OSBPL1A: variants seen among roughly 807,000 people sequenced by gnomAD.
OSBPL1A encodes the protein oxysterol binding protein like 1A.
In OSBPL1A, 80 loss-of-function variants were observed where a neutral mutation model predicts 137.1. The ratio of observed to expected loss-of-function variants is 0.58; its 90% confidence interval spans 0.49 to 0.70. The LOEUF (loss-of-function observed/expected upper bound fraction) is 0.70, where lower values mean the gene tolerates loss of function less well. OSBPL1A is among the 30% of genes least tolerant of loss of function. The probability of loss-of-function intolerance (pLI) is 0.00; values close to 1 mark genes in which losing one functional copy is unlikely to be tolerated. For missense variants in OSBPL1A, 970 were observed against 1,129.4 expected, an observed-to-expected ratio of 0.86 and a Z score of 2.02; for synonymous variants, 365 against 389.7, an observed-to-expected ratio of 0.94 and a Z score of 0.75.
At chr18:24,352,634 C>T (rs1045074677) in intron 4 of OSBPL1A, among the ~76,000 whole-genome samples, 1 of 152,268 alleles carries the variant, frequency 6.6e-6, no homozygotes, top group African/African-American at 2.4e-5. Flanking sequence ...AAGAACAAAG[C>T]TGGAGGCATC....
chr18:24,216,873 A>G (rs1465276222), intron 17 of OSBPL1A, among the ~76,000 whole-genome samples: 1 of 152,156 alleles, frequency 6.6e-6, no homozygotes, highest in Admixed American at 6.5e-5. Flanking sequence ...ATTTCTAAAT[A>G]TTATTTCCCA....
intron 2 of OSBPL1A, among the ~76,000 whole-genome samples, chr18:24,370,787 C>T (rs1234424872): frequency 2.0e-5 from 3 of 152,204 alleles, no homozygotes. Flanking sequence ...CCCACCTCAG[C>T]CTCCCGAGTA....
intron 17 of OSBPL1A, among the ~76,000 whole-genome samples, chr18:24,205,552 T>A (rs1386643402): frequency 6.6e-6 from 1 of 152,162 alleles, no homozygotes; most frequent in Non-Finnish European, 1.5e-5. Flanking sequence ...TGGAAATTGG[T>A]CAGTGATATA....
chr18:24,175,139 CAT>C (rs1301852341), intron 21 of OSBPL1A, among the ~76,000 whole-genome samples: 10 of 119,834 alleles, frequency 8.3e-5, no homozygotes, highest in African/African-American at 2.2e-4. Flanking sequence ...TATATATACA[CAT>C]ATATATATAT....
intron 2 of OSBPL1A, among the ~76,000 whole-genome samples, chr18:24,375,939 T>C (rs1446937095): frequency 6.6e-6 from 1 of 152,162 alleles, no homozygotes; most frequent in Non-Finnish European, 1.5e-5. Flanking sequence ...AGGCGGCGCG[T>C]CTGGAGTTGT....
At chr18:24,229,602 T>C (rs929840513) in intron 16 of OSBPL1A, among the ~76,000 whole-genome samples, 1 of 152,200 alleles carries the variant, frequency 6.6e-6, no homozygotes, top group Non-Finnish European at 1.5e-5. Context: ...AGTTTAAACA[T>C]GTTTAGCTCA....
At chr18:24,176,157 TC>T (rs527654673) in intron 21 of OSBPL1A, among the ~76,000 whole-genome samples, 61 of 152,342 alleles carry the variant, frequency 4.0e-4, no homozygotes, top group African/African-American at 1.3e-3. Flanking sequence ...AACTTAGAAT[TC>T]GTAAGTTAGA....
At chr18:24,368,565 A>G (rs573490567) in intron 2 of OSBPL1A, 193 bp from the exon 3 acceptor site, 1 of 518,744 alleles carries the variant, frequency 1.9e-6, no homozygotes, top group Admixed American at 3.2e-5. Context: ...ATCTGGTGCC[A>G]CCTTCTGACT....
At chr18:24,264,268 CA>C (rs1473080358) in intron 15 of OSBPL1A, among the ~76,000 whole-genome samples, 4 of 151,970 alleles carry the variant, frequency 2.6e-5, no homozygotes, top group African/African-American at 9.7e-5. Context: ...AAAAAAACAC[CA>C]ACTGTTCCTT....
At chr18:24,204,558 C>CT (rs34877962) in intron 17 of OSBPL1A, among the ~76,000 whole-genome samples, 12 of 143,274 alleles carry the variant, frequency 8.4e-5, no homozygotes, top group African/African-American at 2.6e-4. Context: ...AAAGCTGTTT[C>CT]TTTTTTTTTT....
In OSBPL1A at chr18:24,381,623, T is replaced by C. The variant is rs114382662; in HGVS notation, c.-2-4088A>G. 4.6e-3 allele frequency among the ~76,000 whole-genome samples: 698 copies of C among 152,266 alleles called. 6 individuals carry two copies. Among genetic ancestry groups the C allele is most frequent in the African/African-American group, 0.016 (668 of 41,542 alleles). The stretch of plus-strand genomic sequence containing the variant: ...GTTAAAATATCTAATATTTTTAAAA[T>C]GTTAGCAATATTTATATTCATTGTA... On this transcript the variant is annotated intron_variant, in intron 1 of 27. Coordinates refer to ENST00000319481, the MANE Select transcript of OSBPL1A (RefSeq NM_080597.4).
At position 24,321,470 on chromosome 18, in the gene OSBPL1A, T is replaced by A. The variant is rs117019155; in HGVS notation, c.626-2661A>T. 2.1e-4 allele frequency among the ~76,000 whole-genome samples: 32 copies of A among 152,308 alleles called. No individual in the cohort carries two copies. The East Asian group carries it at 6.2e-3, about 29-fold the overall frequency. ...TGTCATCACACCTGGCTAATTTTTG[T>A]ATTTTTTTGTAGGAATGGGGTTTCA... On this transcript the variant is annotated intron_variant, in intron 7 of 27. Transcript: ENST00000319481.
intron 4 of OSBPL1A, among the ~76,000 whole-genome samples, chr18:24,350,828 T>C (rs1430112474): frequency 6.6e-6 from 1 of 151,960 alleles, no homozygotes. Flanking sequence ...ATAAGAATTC[T>C]CAAAAAAAAT....
intron 25 of OSBPL1A, 78 bp downstream of exon 25, chr18:24,167,251 G>C: frequency 2.2e-6 from 3 of 1,348,442 alleles, no homozygotes; most frequent in Non-Finnish European, 3.2e-6. Flanking sequence ...TGCCTGGGCC[G>C]ACCCTACACG....
intron 17 of OSBPL1A, among the ~76,000 whole-genome samples, chr18:24,220,021 T>G (rs2087835305): frequency 6.6e-6 from 1 of 152,202 alleles, no homozygotes; most frequent in African/African-American, 2.4e-5. Context: ...TTATTATGTC[T>G]CCAAATGCAC....
In OSBPL1A at chr18:24,375,052, C is replaced by T. The variant is rs532576783; in HGVS notation, c.121+2361G>A. On this transcript the variant is annotated intron_variant, in intron 2 of 27. Transcript: ENST00000319481. Reference sequence around the variant, plus strand: ...AAGTATGGCTAGATGCAATGGATCACACCTGTAATCCCAACACTTTGGGAG... The same window carrying T: ...AAGTATGGCTAGATGCAATGGATCATACCTGTAATCCCAACACTTTGGGAG... 7.9e-5 allele frequency among the ~76,000 whole-genome samples: 12 copies of T among 152,192 alleles called. No individual in the cohort carries two copies. In the South Asian group the frequency reaches 2.5e-3, roughly 32 times the overall value.
rs899025987 is a variant in OSBPL1A, at chr18:24,253,172, G to GGC, written c.1282-13791_1282-13790insGC. Among the ~76,000 whole-genome samples, 77 of 140,306 alleles carry GGC rather than the reference G, an allele frequency of 5.5e-4. 2 individuals carry two copies. The highest frequency in any genetic ancestry group is 8.5e-4 in the Non-Finnish European group (54 of 63,796). The allele number at this position is 140,306 out of a possible 152,430, so 92.0% of individuals were successfully genotyped here. ...TCTCCAATGAAAAGACATGGCGGGG[G>GGC]GGGGCGCTGAATGGATGAAAAAAAC... On this transcript the variant is annotated intron_variant, in intron 15 of 27. Coordinates refer to ENST00000319481, the MANE Select transcript of OSBPL1A (RefSeq NM_080597.4).
intron 15 of OSBPL1A, among the ~76,000 whole-genome samples, chr18:24,262,867 T>A (rs1176981436): frequency 6.6e-6 from 1 of 151,768 alleles, no homozygotes; most frequent in Non-Finnish European, 1.5e-5. Flanking sequence ...TTAAAATAAA[T>A]GGAATCATGC....
chr18:24,349,981 G>A (rs2091410471), intron 4 of OSBPL1A, among the ~76,000 whole-genome samples: 1 of 152,154 alleles, frequency 6.6e-6, no homozygotes, highest in Non-Finnish European at 1.5e-5. Flanking sequence ...CTAATTCGCA[G>A]GTTTAAAAGT....
Sources: gnomAD v4.1 joint callset for allele counts (sites outside exome capture counted in the v4.1 genomes callset) on GRCh38, gnomAD v4.1.1 for gene constraint, MANE v1.5 for transcripts, NCBI Gene and HGNC (gene_info 2026-07-23, HGNC 2026-07-21) for gene names.